The following UTRN variants were observed in gnomAD, a reference collection of about 807,000 sequenced individuals.
The protein encoded by UTRN is dystrophin-related protein 1.
In UTRN, 283 loss-of-function variants were observed where a neutral mutation model predicts 463.9. The observed-to-expected ratio is 0.61, with a 90% confidence interval of 0.55 to 0.67. UTRN has a LOEUF of 0.67. Among genes scored for constraint, UTRN ranks in the 30% least tolerant of loss-of-function variants. The pLI, the probability that UTRN is intolerant of heterozygous loss-of-function variation, is 0.00. For synonymous variants in UTRN, 1,442 were observed against 1,431.5 expected (o/e 1.01, Z -0.17); for missense variants, 3,922 against 4,084.3 (o/e 0.96, Z 1.08).
intron 55 of UTRN, 79 bp downstream of exon 55, chr6:144,748,593 A>T: frequency 6.6e-7 from 1 of 1,514,144 alleles, no homozygotes; most frequent in Non-Finnish European, 8.8e-7. Context: ...AGCCACGTAT[A>T]TAAATTGTTA....
At chr6:144,473,046 G>A (rs1437100911) in intron 23 of UTRN, among the ~76,000 whole-genome samples, 6 of 152,102 alleles carry the variant, frequency 3.9e-5, no homozygotes, top group African/African-American at 1.2e-4. Flanking sequence ...GATTACAAGC[G>A]TGAGCCACCG....
Position 144,707,998 on chromosome 6 carries a change from T to C in UTRN, c.7809+7755T>C, listed in dbSNP as rs569043454. ...ATAAAAGGAGACCTATGGACAAATA[T>C]CAACTTCTTGGTCAATTTTCATTAA... On this transcript the variant is annotated intron_variant, in intron 53 of 74. Coordinates refer to ENST00000367545, the MANE Select transcript of UTRN (RefSeq NM_007124.3). 1.7e-5 allele frequency: 3 copies of C among 181,332 alleles called. No individual in the cohort carries two copies. In the South Asian group the frequency reaches 3.7e-4, roughly 22 times the overall value. 11.2% of individuals were successfully genotyped at this position (181,332 alleles called of 1,614,324 possible).
In UTRN at chr6:144,287,351, CCTG is replaced by C. The variant is rs1803787277; in HGVS notation, c.-93+1531_-93+1533del. Among the ~76,000 whole-genome samples the C allele has an allele frequency of 3.3e-5, 5 of 152,060 alleles. No homozygotes were observed. In the South Asian group the frequency reaches 1.0e-3, roughly 32 times the overall value. Reference sequence around the variant, plus strand: ...ATTAATCACAGTAGTATTAACCTTCCCTGGAGCGCTTCCGAGTGTAAATGGCAG... The same window carrying C: ...ATTAATCACAGTAGTATTAACCTTCCGAGCGCTTCCGAGTGTAAATGGCAG... On this transcript the variant is annotated intron_variant, in intron 1 of 74. Transcript: ENST00000367545.
chr6:144,291,300 A>G (rs1804224421), intron 1 of UTRN, among the ~76,000 whole-genome samples: 1 of 152,180 alleles, frequency 6.6e-6, no homozygotes, highest in Non-Finnish European at 1.5e-5. Context: ...TGACTGCTCC[A>G]TGATTCTTTC....
chr6:144,440,224 G>T, intron 12 of UTRN, 128 bp from the exon 13 acceptor site: 2 of 898,782 alleles, frequency 2.2e-6, no homozygotes, highest in South Asian at 3.3e-5. Context: ...AGAACAGTTA[G>T]GGTAATGATT....
intron 2 of UTRN, among the ~76,000 whole-genome samples, chr6:144,378,371 C>T (rs561949646): frequency 2.6e-5 from 4 of 152,308 alleles, no homozygotes; most frequent in South Asian, 2.1e-4. Context: ...TCAAAGTTGA[C>T]ATTTCTTGCC....
intron 35 of UTRN, among the ~76,000 whole-genome samples, chr6:144,512,245 A>G (rs999075862): frequency 3.9e-5 from 6 of 152,116 alleles, no homozygotes; most frequent in African/African-American, 1.4e-4. Context: ...TAAATATTTT[A>G]TATATTAATT....
intron 65 of UTRN, among the ~76,000 whole-genome samples, chr6:144,819,911 C>CCTGTCTCT (rs1554406068): frequency 6.7e-5 from 8 of 118,610 alleles, no homozygotes; most frequent in African/African-American, 1.1e-4. Context: ...TCCTCCTCCT[C>CCTGTCTCT]CTCTCTCTCT....
intron 39 of UTRN, among the ~76,000 whole-genome samples, chr6:144,519,851 T>C (rs947659135): frequency 6.6e-6 from 1 of 152,220 alleles, no homozygotes; most frequent in Admixed American, 6.5e-5. Context: ...CACGTGGTCT[T>C]GCAGAATGAC....
chr6:144,742,736 A>G (rs1221559350), intron 54 of UTRN, among the ~76,000 whole-genome samples: 1 of 152,222 alleles, frequency 6.6e-6, no homozygotes, highest in African/African-American at 2.4e-5. Context: ...GATAAGGAAT[A>G]TATCTAGGAT....
intron 2 of UTRN, chr6:144,344,105 A>C (rs1281233134): frequency 3.4e-6 from 4 of 1,159,642 alleles, no homozygotes; most frequent in South Asian, 1.7e-5. Context: ...AAAAAAAAAA[A>C]AAAAACCCAA....
At chr6:144,688,209 C>T (rs1231267926) in intron 52 of UTRN, among the ~76,000 whole-genome samples, 2 of 151,998 alleles carry the variant, frequency 1.3e-5, no homozygotes, top group Admixed American at 1.3e-4. Flanking sequence ...AATATGTATT[C>T]CATTTCCAGA....
chr6:144,765,296 T>C (rs1210584150), intron 58 of UTRN, among the ~76,000 whole-genome samples: 1 of 152,236 alleles, frequency 6.6e-6, no homozygotes, highest in Non-Finnish European at 1.5e-5. Flanking sequence ...AATGTTCTAG[T>C]AGTCATACAT....
chr6:144,719,723 C>T (rs1289421000), intron 53 of UTRN, among the ~76,000 whole-genome samples: 3 of 152,318 alleles, frequency 2.0e-5, no homozygotes, highest in East Asian at 1.9e-4. Context: ...TGACATCAGA[C>T]AGCAGGGAGG....
Position 144,286,824 on chromosome 6 carries a change from C to G in UTRN, c.-93+1003C>G, listed in dbSNP as rs1002240241. The stretch of plus-strand genomic sequence containing the variant: ...TTATTTTACAAGGAACTGCAGAGCT[C>G]GGGTTCTAACTCCACGGCCCCGCTC... On this transcript the variant is annotated intron_variant, in intron 1 of 74. Transcript: ENST00000367545. The surrounding 1 kb of genome is among the most constrained non-coding windows in gnomAD (Gnocchi z 4.4). Among the ~76,000 whole-genome samples the G allele has an allele frequency of 6.6e-6, 1 of 151,996 alleles. No individual in the cohort carries two copies. The highest frequency in any genetic ancestry group is 2.1e-4 in the South Asian group (1 of 4,820).
At chr6:144,626,535 G>A (rs565165225) in intron 51 of UTRN, among the ~76,000 whole-genome samples, 106 of 152,322 alleles carry the variant, frequency 7.0e-4, no homozygotes, top group Non-Finnish European at 1.4e-3. Flanking sequence ...AGAAAAATCG[G>A]TAGATTTGGT....
chr6:144,458,135 T>C (rs1290591153), intron 19 of UTRN, among the ~76,000 whole-genome samples: 4 of 152,204 alleles, frequency 2.6e-5, no homozygotes, highest in African/African-American at 9.7e-5. Flanking sequence ...CCCTGATGTG[T>C]TTCTAAAGTA....
intron 7 of UTRN, among the ~76,000 whole-genome samples, chr6:144,427,498 C>G (rs1253243396): frequency 6.6e-6 from 1 of 152,066 alleles, no homozygotes; most frequent in Admixed American, 6.5e-5. Flanking sequence ...GAATTATGAT[C>G]CTTTTATTTC....
At chr6:144,496,012 A>G (rs758591703) in intron 33 of UTRN, among the ~76,000 whole-genome samples, 21 of 152,194 alleles carry the variant, frequency 1.4e-4, no homozygotes, top group Admixed American at 7.2e-4. Flanking sequence ...AGAAGTTCAC[A>G]TTAATCTACC....
Sources: allele counts gnomAD v4.1 joint callset (sites outside exome capture counted in the v4.1 genomes callset), GRCh38; gene constraint gnomAD v4.1.1; non-coding constraint Gnocchi (gnomAD v3.1); transcripts MANE v1.5; gene names NCBI Gene and HGNC (gene_info 2026-07-23, HGNC 2026-07-21).